The following ADAM10 variants were observed in gnomAD, a reference collection of about 807,000 sequenced individuals.
ADAM10 encodes the protein disintegrin and metalloproteinase domain-containing protein 10.
Under a neutral mutation model 90.1 loss-of-function variants are expected in ADAM10, and 17 were observed. The ratio of observed to expected loss-of-function variants is 0.19; its 90% CI spans 0.13 to 0.28. The LOEUF (loss-of-function observed/expected upper bound fraction) is 0.28. Ranked by LOEUF, ADAM10 falls within the 10% of genes least tolerant of loss-of-function variation. The pLI, the probability that ADAM10 is intolerant of heterozygous loss-of-function variation, is 1.00. For synonymous variants in ADAM10, 310 were observed against 298.6 expected (o/e 1.04, Z -0.40); for missense variants, 610 against 914.3 (o/e 0.67, Z 4.29).
intron 5 of ADAM10, among the ~76,000 whole-genome samples, chr15:58,662,666 T>C (rs141597260): frequency 2.0e-5 from 3 of 152,284 alleles, no homozygotes; most frequent in Non-Finnish European, 4.4e-5. Context: ...TTTTTGACAG[T>C]TGTTCATTTC....
chr15:58,682,983 T>C (rs988422071), intron 2 of ADAM10, among the ~76,000 whole-genome samples: 4 of 152,194 alleles, frequency 2.6e-5, no homozygotes, highest in Admixed American at 6.5e-5. Flanking sequence ...ATCTAGAGTT[T>C]AGAATCGAAT....
chr15:58,729,195 T>C (rs527410559), intron 1 of ADAM10, among the ~76,000 whole-genome samples: 19 of 152,200 alleles, frequency 1.2e-4, no homozygotes, highest in African/African-American at 4.3e-4. Flanking sequence ...CTGTCTCTAT[T>C]TTTTAAAAAA....
intron 1 of ADAM10, among the ~76,000 whole-genome samples, chr15:58,746,644 C>A (rs1468192886): frequency 6.6e-6 from 1 of 152,208 alleles, no homozygotes; most frequent in Non-Finnish European, 1.5e-5. Flanking sequence ...GTCAGGGTGG[C>A]TCATGCCTGC....
chr15:58,661,192 A>G (rs1376708698), intron 5 of ADAM10, among the ~76,000 whole-genome samples: 1 of 152,174 alleles, frequency 6.6e-6, no homozygotes, highest in Non-Finnish European at 1.5e-5. Flanking sequence ...TAATCTCTTG[A>G]AGGTTTTTTT....
chr15:58,615,280 A>G (rs1210148348), intron 11 of ADAM10, among the ~76,000 whole-genome samples: 2 of 151,424 alleles, frequency 1.3e-5, no homozygotes, highest in Non-Finnish European at 2.9e-5. Context: ...TCTGAAGAAA[A>G]AAAAAAAAAA....
chr15:58,617,319 G>A, intron 11 of ADAM10, among the ~76,000 whole-genome samples: 1 of 151,714 alleles, frequency 6.6e-6, no homozygotes. Context: ...CCAATAAATG[G>A]GAAAACCGAA....
intron 1 of ADAM10, among the ~76,000 whole-genome samples, chr15:58,737,307 T>C (rs1339665292): frequency 6.6e-6 from 1 of 152,184 alleles, no homozygotes; most frequent in Non-Finnish European, 1.5e-5. Context: ...GCGTGTTCTT[T>C]CTGTAAGCTG....
chr15:58,731,018 G>A (rs925176720), intron 1 of ADAM10, among the ~76,000 whole-genome samples: 1 of 152,142 alleles, frequency 6.6e-6, no homozygotes, highest in South Asian at 2.1e-4. Context: ...TTTTCAGTCT[G>A]TATAATCGTG....
chr15:58,742,643 G>A (rs748211315), intron 1 of ADAM10, among the ~76,000 whole-genome samples: 5 of 152,156 alleles, frequency 3.3e-5, no homozygotes, highest in Admixed American at 1.3e-4. Flanking sequence ...GGACAGCAAC[G>A]TCACTGCCCT....
intron 1 of ADAM10, among the ~76,000 whole-genome samples, chr15:58,731,675 T>C (rs1899249786): frequency 1.3e-5 from 2 of 152,004 alleles, no homozygotes; most frequent in South Asian, 4.2e-4. Flanking sequence ...CATTTTGCAG[T>C]GAGGCTCAGA....
At chr15:58,737,492 A>T (rs1899468645) in intron 1 of ADAM10, among the ~76,000 whole-genome samples, 1 of 152,152 alleles carries the variant, frequency 6.6e-6, no homozygotes, top group Non-Finnish European at 1.5e-5. Flanking sequence ...GCTTCCCTCA[A>T]CTGATAACTA....
At chr15:58,691,226 G>T (rs7161889) in intron 2 of ADAM10, 1 of 857,494 alleles carries the variant, frequency 1.2e-6, no homozygotes. Flanking sequence ...CAAACTTTAC[G>T]TTGCTCTCCT....
At chr15:58,640,681 C>T in intron 8 of ADAM10, 96 bp downstream of exon 8, 1 of 1,142,312 alleles carries the variant, frequency 8.8e-7, no homozygotes, top group Non-Finnish European at 1.3e-6. Context: ...ATTATACAGG[C>T]ATCACTTTCT....
At chr15:58,610,736 A>G in intron 13 of ADAM10, 1 of 649,652 alleles carries the variant, frequency 1.5e-6, no homozygotes, top group Non-Finnish European at 2.7e-6. Context: ...CTCAGTGTCC[A>G]CGATGACTTA....
chr15:58,608,405 C>T (rs1241390629), intron 14 of ADAM10, among the ~76,000 whole-genome samples: 1 of 152,196 alleles, frequency 6.6e-6, no homozygotes, highest in African/African-American at 2.4e-5. Context: ...AAACTATGCA[C>T]ATAAGCAAAT....
At chr15:58,749,391 C>T (rs1350911415) in intron 1 of ADAM10, 89 bp downstream of exon 1, 12 of 1,283,332 alleles carry the variant, frequency 9.4e-6, no homozygotes, top group Non-Finnish European at 1.1e-5. Flanking sequence ...GACTGACGCG[C>T]ACGCCGCGAG....
rs556947862 is a variant in ADAM10 at position 58,628,835 on chromosome 15, T to C, written c.1177-952A>G. Among the ~76,000 whole-genome samples the C allele has an allele frequency of 5.3e-5, 8 of 152,342 alleles. No homozygotes were observed. In the East Asian group the frequency reaches 1.3e-3, roughly 26 times the overall value. ...AAGACTGCCCAAGGACGTTCTGTTT[T>C]TTCCTAGAGCCCAACTAAGTTACTT... is the stretch of plus-strand genomic sequence containing the variant. On this transcript the variant is annotated intron_variant, in intron 9 of 15. Coordinates refer to ENST00000260408, the MANE Select transcript of ADAM10 (RefSeq NM_001110.4).
chr15:58,679,931 T>C (rs770314969), intron 3 of ADAM10, among the ~76,000 whole-genome samples: 2 of 152,002 alleles, frequency 1.3e-5, no homozygotes, highest in Non-Finnish European at 2.9e-5. Context: ...AACAATTAAT[T>C]GTTAAATTAA....
At chr15:58,637,938 T>TA (rs111492683) in intron 8 of ADAM10, among the ~76,000 whole-genome samples, 1,512 of 148,432 alleles carry the variant, frequency 0.01, 39 homozygotes, top group African/African-American at 0.035. Context: ...TTCCTTGTTT[T>TA]AAAAAAAAAA....
Sources: allele counts gnomAD v4.1 joint callset (sites outside exome capture counted in the v4.1 genomes callset), GRCh38; gene constraint gnomAD v4.1.1; transcripts MANE v1.5; gene names NCBI Gene and HGNC (gene_info 2026-07-23, HGNC 2026-07-21).